The following C3orf20 variants were observed in gnomAD, a reference collection of about 807,000 sequenced individuals.
C3orf20 encodes the protein uncharacterized protein C3orf20.
In C3orf20, 76 loss-of-function variants were observed where a neutral mutation model predicts 88.3. The observed-to-expected ratio is 0.86, with a 90% confidence interval of 0.72 to 1.04. The LOEUF (loss-of-function observed/expected upper bound fraction) is 1.04. Among genes scored for constraint, C3orf20 ranks in the 50% least tolerant of loss-of-function variants. C3orf20 has a pLI of 0.00. For synonymous variants in C3orf20, 436 were observed against 437.4 expected (o/e 1.00, Z 0.04); for missense variants, 1,056 against 1,123.3 (o/e 0.94, Z 0.86).
At chr3:14,737,060 G>A (rs2034735151) in intron 12 of C3orf20, among the ~76,000 whole-genome samples, 1 of 151,884 alleles carries the variant, frequency 6.6e-6, no homozygotes, top group Non-Finnish European at 1.5e-5. Context: ...CTCACCTTTA[G>A]TTAGTGTTGT....
intron 7 of C3orf20, among the ~76,000 whole-genome samples, chr3:14,713,569 C>G (rs1344391166): frequency 1.3e-5 from 2 of 152,178 alleles, no homozygotes; most frequent in Non-Finnish European, 2.9e-5. Context: ...TATTGCTGGC[C>G]TCAGAGATCA....
Position 14,709,011 on chromosome 3 carries a change from A to G in C3orf20, c.1160+4393A>G, listed in dbSNP as rs146538611. ...AATACAAAATGGTGTATAAACAAGA[A>G]CAAAAAAGCAATGAACAAAAGGAAA... On this transcript the variant is annotated intron_variant, in intron 7 of 16. Coordinates refer to ENST00000253697, the MANE Select transcript of C3orf20 (RefSeq NM_032137.5). 9.2e-5 allele frequency among the ~76,000 whole-genome samples: 14 copies of G among 152,364 alleles called. No individual in the cohort carries two copies. In the East Asian group the frequency reaches 2.7e-3, roughly 29 times the overall value.
intron 14 of C3orf20, among the ~76,000 whole-genome samples, chr3:14,760,811 TA>T (rs2035538663): frequency 6.6e-6 from 1 of 152,092 alleles, no homozygotes; most frequent in Non-Finnish European, 1.5e-5. Flanking sequence ...GGTTTCACCA[TA>T]CTGGCCAGGC....
intron 14 of C3orf20, 47 bp from the exon 15 acceptor site, chr3:14,761,426 T>G (rs1397522508): frequency 6.2e-7 from 1 of 1,611,762 alleles, no homozygotes. Flanking sequence ...TGGACACTGC[T>G]GTGCTGATGT....
intron 5 of C3orf20, 62 bp from the exon 6 acceptor site, chr3:14,703,068 A>T: frequency 6.3e-7 from 1 of 1,587,688 alleles, no homozygotes; most frequent in Non-Finnish European, 8.6e-7. Context: ...GGTGACACTG[A>T]TGCAAAAGGT....
chr3:14,684,266 C>T lies in C3orf20; in HGVS notation c.509C>T (p.Thr170Ile), dbSNP rs2032277218. 1 of 1,614,160 alleles carries T rather than the reference C, an allele frequency of 6.2e-7. No homozygotes were observed. The highest frequency in any genetic ancestry group is 1.7e-5 in the Admixed American group (1 of 60,016). The part of the protein sequence containing the change: ...MSVGANPLDI[T>I]RRFVEASQLL... ...GTGGGTGCCAACCCCTTGGACATCA[C>T]CAGGCGCTTTGTGGAGGCCAGCCAG... The change falls in exon 4 of 17, where the codon ACC becomes ATC. Residue 170 changes from threonine (T) to isoleucine (I), a missense_variant. Thr to Ile is a moderately conservative substitution (Grantham distance 89). Transcript: ENST00000253697.
At chr3:14,680,140 C>A (rs554487317) in intron 1 of C3orf20, among the ~76,000 whole-genome samples, 1 of 152,208 alleles carries the variant, frequency 6.6e-6, no homozygotes, top group Non-Finnish European at 1.5e-5. Context: ...ACCCAGCAAT[C>A]CCACTTCTAG....
intron 8 of C3orf20, among the ~76,000 whole-genome samples, chr3:14,714,658 C>T (rs1321173315): frequency 6.6e-6 from 1 of 152,176 alleles, no homozygotes; most frequent in East Asian, 1.9e-4. Context: ...GGTTGAAGTG[C>T]AGTGGCATGA....
At chr3:14,707,534 G>A (rs1044660786) in intron 7 of C3orf20, among the ~76,000 whole-genome samples, 2 of 150,532 alleles carry the variant, frequency 1.3e-5, no homozygotes, top group Admixed American at 6.6e-5. Context: ...TGAAGTCCTT[G>A]TTCATGTTTA....
intron 12 of C3orf20, among the ~76,000 whole-genome samples, chr3:14,739,259 A>G (rs532104194): frequency 1.3e-5 from 2 of 152,332 alleles, no homozygotes; most frequent in South Asian, 4.1e-4. Flanking sequence ...TGTGGGCTGC[A>G]ATATGGTTGC....
At chr3:14,679,544 C>A (rs1332719991) in intron 1 of C3orf20, among the ~76,000 whole-genome samples, 2 of 152,104 alleles carry the variant, frequency 1.3e-5, no homozygotes, top group African/African-American at 4.8e-5. Context: ...ACCTTTAATG[C>A]GAAGTTTCCC....
At chr3:14,737,094 G>A (rs1026226430) in intron 12 of C3orf20, among the ~76,000 whole-genome samples, 1 of 151,854 alleles carries the variant, frequency 6.6e-6, no homozygotes, top group Non-Finnish European at 1.5e-5. Context: ...TTTCTATGAT[G>A]TGCCTAAATG....
chr3:14,756,050 AAAAG>A (rs1408344155), intron 12 of C3orf20, among the ~76,000 whole-genome samples: 1 of 150,640 alleles, frequency 6.6e-6, no homozygotes, highest in African/African-American at 2.4e-5. Flanking sequence ...AAAAAAAAGA[AAAAG>A]AAAAAAGAAA....
At chr3:14,684,000 C>T (rs1023539345) in intron 3 of C3orf20, among the ~76,000 whole-genome samples, 2 of 151,946 alleles carry the variant, frequency 1.3e-5, no homozygotes, top group Non-Finnish European at 2.9e-5. Context: ...TTTCAGAAAC[C>T]AATAGCATCG....
chr3:14,731,041 T>G (rs1379904225), intron 12 of C3orf20, among the ~76,000 whole-genome samples: 1 of 152,070 alleles, frequency 6.6e-6, no homozygotes, highest in Non-Finnish European at 1.5e-5. Context: ...TATACTCTGT[T>G]TTTCCCTATA....
At chr3:14,707,240 C>G (rs1174025324) in intron 7 of C3orf20, among the ~76,000 whole-genome samples, 1 of 116,256 alleles carries the variant, frequency 8.6e-6, no homozygotes, top group Non-Finnish European at 1.8e-5. Flanking sequence ...CAGAGCAAGA[C>G]TCCGTCTCAA....
At chr3:14,689,895 T>A in intron 4 of C3orf20, 102 bp from the exon 5 acceptor site, 1 of 1,498,292 alleles carries the variant, frequency 6.7e-7, no homozygotes, top group Non-Finnish European at 9.2e-7. Context: ...TTACAGTATG[T>A]GACCCACCGT....
chr3:14,697,907 C>T (rs899153840), intron 5 of C3orf20, among the ~76,000 whole-genome samples: 1 of 152,146 alleles, frequency 6.6e-6, no homozygotes, highest in African/African-American at 2.4e-5. Flanking sequence ...TTTATGGCTG[C>T]ATAGTATTCC....
chr3:14,720,647 G>C (rs17040226), intron 9 of C3orf20, among the ~76,000 whole-genome samples: 2,076 of 152,246 alleles, frequency 0.014, 34 homozygotes, highest in African/African-American at 0.047. Context: ...CAAGGACATT[G>C]AAGACTGAGA....
Sources: allele counts gnomAD v4.1 joint callset (sites outside exome capture counted in the v4.1 genomes callset), GRCh38; gene constraint gnomAD v4.1.1; transcripts MANE v1.5; gene names NCBI Gene and HGNC (gene_info 2026-07-23, HGNC 2026-07-21).